COL4A4: variants seen among roughly 807,000 people sequenced by gnomAD.
The protein encoded by COL4A4 is collagen type IV alpha 4 chain, also known as collagen alpha-4(IV) chain.
COL4A4 carries 105 observed loss-of-function variants against 192.9 expected under a neutral mutation model. The ratio of observed to expected loss-of-function variants is 0.54; its 90% CI spans 0.46 to 0.64. COL4A4 has a LOEUF of 0.64. Among genes scored for constraint, COL4A4 ranks in the 30% least tolerant of loss-of-function variants. The pLI is 0.00. For missense variants in COL4A4, 1,967 were observed against 2,169.3 expected (o/e 0.91, Z 1.85); for synonymous variants, 762 against 769.9 (o/e 0.99, Z 0.17).
intron 8 of COL4A4, among the ~76,000 whole-genome samples, chr2:227,112,698 A>AC: frequency 6.6e-6 from 1 of 151,780 alleles, no homozygotes; most frequent in South Asian, 2.1e-4. Flanking sequence ...TCCAGTGGAA[A>AC]CTCTGTTCTC....
At chr2:226,986,014 G>A in the COL4A4 span, among the ~76,000 whole-genome samples, 1 of 152,244 alleles carries the variant, frequency 6.6e-6, no homozygotes, top group Non-Finnish European at 1.5e-5. Context: ...CCAGTGATAA[G>A]TCATGTTGAC....
chr2:227,037,544 C>T (rs1969928669), intron 37 of COL4A4, among the ~76,000 whole-genome samples: 1 of 152,184 alleles, frequency 6.6e-6, no homozygotes, highest in East Asian at 1.9e-4. Context: ...CTGCAATAAA[C>T]ATACATTTGC....
chr2:227,131,238 C>G (rs979233147), intron 4 of COL4A4, among the ~76,000 whole-genome samples: 1 of 151,880 alleles, frequency 6.6e-6, no homozygotes, highest in African/African-American at 2.4e-5. Context: ...CCACTGCAGC[C>G]TCTGCCTCCC....
At chr2:227,063,483 G>A (rs936024974) in intron 25 of COL4A4, among the ~76,000 whole-genome samples, 2 of 151,906 alleles carry the variant, frequency 1.3e-5, no homozygotes, top group South Asian at 2.1e-4. Context: ...TTGCCTTTCT[G>A]TTATCAAAAC....
At chr2:227,088,932 C>A in intron 21 of COL4A4, 116 bp from the exon 22 acceptor site, 2 of 1,241,616 alleles carry the variant, frequency 1.6e-6, no homozygotes, top group Non-Finnish European at 2.3e-6. Flanking sequence ...ATATGCACTT[C>A]TTGCAGACAA....
intron 31 of COL4A4, among the ~76,000 whole-genome samples, chr2:227,053,865 A>G (rs373023247): frequency 2.0e-5 from 3 of 151,794 alleles, no homozygotes; most frequent in African/African-American, 7.3e-5. Context: ...TTTTTTTCAA[A>G]TGAAGCTTGG....
chr2:227,030,708 TAA>T, intron 40 of COL4A4, 110 bp from the exon 41 acceptor site: 1 of 762,756 alleles, frequency 1.3e-6, no homozygotes, highest in Non-Finnish European at 2.0e-6. Flanking sequence ...AAGCAAGGAA[TAA>T]AGAGAATTAG....
At chr2:227,121,197 T>C (rs2061765456) in intron 4 of COL4A4, 49 bp from the exon 5 acceptor site, 1 of 1,597,958 alleles carries the variant, frequency 6.3e-7, no homozygotes, top group East Asian at 2.2e-5. Context: ...TTAATTACTG[T>C]CTTCTAACAC....
chr2:227,125,203 AT>A lies in COL4A4; in HGVS notation c.193-4056del, dbSNP rs925256121. Among the ~76,000 whole-genome samples the A allele has an allele frequency of 2.1e-3, 319 of 149,284 alleles. 1 individual carries two copies. The highest frequency in any genetic ancestry group is 7.0e-3 in the African/African-American group (283 of 40,644). The stretch of plus-strand genomic sequence containing the variant: ...GAGAAAATGCCATATAAAATACTTT[AT>A]TTTTTTTTTGTTTTTTTTCTTGAGA... On this transcript the variant is annotated intron_variant, in intron 4 of 47. Transcript: ENST00000396625.
At chr2:226,987,481 T>C in the COL4A4 span, among the ~76,000 whole-genome samples, 137 of 152,260 alleles carry the variant, frequency 9.0e-4, 1 homozygote, top group African/African-American at 3.1e-3. Flanking sequence ...CAGGCAACAG[T>C]CTCCAGAGAA....
intron 25 of COL4A4, among the ~76,000 whole-genome samples, chr2:227,064,489 T>C (rs1240574931): frequency 2.6e-5 from 4 of 152,214 alleles, no homozygotes; most frequent in Non-Finnish European, 5.9e-5. Flanking sequence ...AAAACTTCCA[T>C]GGCCTGGCTA....
chr2:227,104,678 T>C (rs889095135), intron 12 of COL4A4, among the ~76,000 whole-genome samples: 1 of 149,158 alleles, frequency 6.7e-6, no homozygotes, highest in Admixed American at 6.7e-5. Flanking sequence ...TTCACTCTTG[T>C]TGCCCAGGCC....
At chr2:226,980,186 A>G in the COL4A4 span, among the ~76,000 whole-genome samples, 2 of 152,200 alleles carry the variant, frequency 1.3e-5, no homozygotes, top group Admixed American at 1.3e-4. Context: ...CCCATGAGCT[A>G]GATTTTACAG....
At chr2:227,065,009 G>A (rs1181594304) in intron 25 of COL4A4, among the ~76,000 whole-genome samples, 2 of 152,198 alleles carry the variant, frequency 1.3e-5, no homozygotes, top group Admixed American at 6.5e-5. Flanking sequence ...CCAGACAGTG[G>A]GTGCAGGTCA....
chr2:227,109,966 A>G (rs2061100081), intron 9 of COL4A4, among the ~76,000 whole-genome samples: 1 of 152,170 alleles, frequency 6.6e-6, no homozygotes. Flanking sequence ...TATTATTATT[A>G]ATTAACATTA....
At position 227,003,622 on chromosome 2, in the gene COL4A4, T is replaced by C. The variant is rs1220237266; in HGVS notation, c.*3703A>G. 2 of 152,210 alleles carry C rather than the reference T, an allele frequency of 1.3e-5. No homozygotes were observed. Among genetic ancestry groups the C allele is most frequent in the African/African-American group, 4.8e-5 (2 of 41,450 alleles). The allele number at this position is 152,210 out of a possible 1,614,324, so 9.4% of individuals were successfully genotyped here. ...CTACACGAGGTTCAAAATAAGATGA[T>C]AAAGCCCAATTGTAGTGCACCATTC... On this transcript the variant is annotated 3_prime_UTR_variant, in exon 48 of 48. Coordinates refer to ENST00000396625, the MANE Select transcript of COL4A4 (RefSeq NM_000092.5).
At chr2:227,154,448 T>G (rs1026215624) in intron 1 of COL4A4, among the ~76,000 whole-genome samples, 2 of 152,208 alleles carry the variant, frequency 1.3e-5, no homozygotes, top group African/African-American at 4.8e-5. Context: ...ACACTGAGTA[T>G]TGGATGCTTC....
intron 1 of COL4A4, among the ~76,000 whole-genome samples, chr2:227,149,597 C>A (rs1330327216): frequency 2.0e-5 from 3 of 152,046 alleles, no homozygotes; most frequent in Admixed American, 2.0e-4. Context: ...AAGGAAAACG[C>A]AAATTTTTTG....
At chr2:227,086,114 G>T (rs1054250580) in intron 22 of COL4A4, among the ~76,000 whole-genome samples, 2 of 152,216 alleles carry the variant, frequency 1.3e-5, no homozygotes, top group African/African-American at 2.4e-5. Context: ...TTGCACTAGA[G>T]CATCCTGGCC....
Sources: allele counts gnomAD v4.1 joint callset (sites outside exome capture counted in the v4.1 genomes callset), GRCh38; gene constraint gnomAD v4.1.1; transcripts MANE v1.5; gene names NCBI Gene and HGNC (gene_info 2026-07-23, HGNC 2026-07-21).